The following AJAP1 variants were observed in gnomAD, a reference collection of about 807,000 sequenced individuals.
AJAP1 encodes adherens junctions associated protein 1, also known as adherens junction-associated protein 1.
Under a neutral mutation model 35.0 loss-of-function variants are expected in AJAP1, and 5 were observed. The ratio of observed to expected loss-of-function variants is 0.14; its 90% confidence interval spans 0.07 to 0.30. The LOEUF is 0.30. Among genes scored for constraint, AJAP1 ranks in the 10% least tolerant of loss-of-function variants. The probability of loss-of-function intolerance (pLI) is 1.00; values close to 1 mark genes in which losing one functional copy is unlikely to be tolerated. For missense variants in AJAP1, 586 were observed against 571.0 expected (o/e 1.03, Z -0.27); for synonymous variants, 284 against 249.3 (o/e 1.14, Z -1.31).
chr1:4,703,048 T>C (rs895409892), intron 1 of AJAP1, among the ~76,000 whole-genome samples: 1 of 152,124 alleles, frequency 6.6e-6, no homozygotes, highest in Non-Finnish European at 1.5e-5. Flanking sequence ...GCATGCGCGC[T>C]GGACGTGTCC....
At chr1:4,657,642 C>T (rs1638910214) in intron 1 of AJAP1, among the ~76,000 whole-genome samples, 1 of 151,212 alleles carries the variant, frequency 6.6e-6, no homozygotes, top group Admixed American at 6.6e-5. Context: ...AGACACTGAG[C>T]CTCCAGCTGG....
rs536145116 is a variant in AJAP1, at chr1:4,691,193, A to G, written c.30-20707A>G. On this transcript the variant is annotated intron_variant, in intron 1 of 5. Coordinates refer to ENST00000378191, the MANE Select transcript of AJAP1 (RefSeq NM_018836.4). Reference sequence around the variant, plus strand: ...AGAGTCCCCATCAGGCTCCCGGAACAGACTCCATTCCTGTTTGGGAAAGAG... The same window carrying G: ...AGAGTCCCCATCAGGCTCCCGGAACGGACTCCATTCCTGTTTGGGAAAGAG... Among the ~76,000 whole-genome samples, 3 of 152,336 alleles carry G rather than the reference A, an allele frequency of 2.0e-5. No homozygotes were observed. In the East Asian group the frequency reaches 5.8e-4, roughly 29 times the overall value.
chr1:4,671,831 C>A (rs942351715), intron 1 of AJAP1, among the ~76,000 whole-genome samples: 4 of 152,210 alleles, frequency 2.6e-5, no homozygotes, highest in African/African-American at 9.6e-5. Context: ...CAAGGTGCTT[C>A]ACGAGGAAGC....
chr1:4,705,216 C>A (rs1312902776), intron 1 of AJAP1, among the ~76,000 whole-genome samples: 1 of 151,926 alleles, frequency 6.6e-6, no homozygotes, highest in Admixed American at 6.6e-5. Flanking sequence ...CCCTTCCTTA[C>A]ACCTTATACA....
rs113919697 is a variant in AJAP1, at chr1:4,692,389, C to G, written c.30-19511C>G. 0.066 allele frequency among the ~76,000 whole-genome samples: 10,006 copies of G among 152,158 alleles called. 370 individuals carry two copies. Among genetic ancestry groups the G allele is most frequent in the Admixed American group, 0.09 (1,371 of 15,290 alleles). ...AGCCTGCAGGAGAGGCTGGGGGGCA[C>G]GTCTGAGGGTGCAGCAGAGGGATAT... On this transcript the variant is annotated intron_variant, in intron 1 of 5. Transcript: ENST00000378191. This position sits in a 1 kb window ranked among gnomAD's most constrained non-coding sequence, Gnocchi z 4.4.
intron 4 of AJAP1, among the ~76,000 whole-genome samples, chr1:4,773,193 T>G (rs138828263): frequency 2.0e-3 from 304 of 152,074 alleles, no homozygotes; most frequent in African/African-American, 6.8e-3. Flanking sequence ...AAAAAAACAG[T>G]CTCCAACAAC....
chr1:4,708,673 G>A lies in AJAP1; in HGVS notation c.30-3227G>A, dbSNP rs184071209. ...TGCAGAGATGCAGCCTCTCACCAAG[G>A]GGTCCCCAAGAGTCTCAGGACCAGG... On this transcript the variant is annotated intron_variant, in intron 1 of 5. Coordinates refer to ENST00000378191, the MANE Select transcript of AJAP1 (RefSeq NM_018836.4). Among the ~76,000 whole-genome samples the A allele has an allele frequency of 2.1e-3, 322 of 152,298 alleles. 1 individual carries two copies. The highest frequency in any genetic ancestry group is 7.0e-3 in the African/African-American group (292 of 41,570).
chr1:4,700,834 A>G (rs899435392), intron 1 of AJAP1, among the ~76,000 whole-genome samples: 1 of 152,082 alleles, frequency 6.6e-6, no homozygotes, highest in Non-Finnish European at 1.5e-5. Flanking sequence ...AACCAAGGGG[A>G]CCTGTGGGGC....
chr1:4,714,314 G>A (rs1218803820), intron 2 of AJAP1, among the ~76,000 whole-genome samples: 1 of 152,182 alleles, frequency 6.6e-6, no homozygotes, highest in Admixed American at 6.5e-5. Flanking sequence ...CCACGGACAT[G>A]CGGGGTCTGC....
intron 2 of AJAP1, among the ~76,000 whole-genome samples, chr1:4,714,347 G>A (rs188327434): frequency 4.0e-4 from 61 of 152,256 alleles, no homozygotes; most frequent in Admixed American, 1.7e-3. Context: ...ACTGTCAGGC[G>A]CCTGCTAGCA....
Position 4,756,035 on chromosome 1 carries a change from T to G in AJAP1, c.830-13818T>G, listed in dbSNP as rs571649076. On this transcript the variant is annotated intron_variant, in intron 2 of 5. Transcript: ENST00000378191. ...ACTTAGCAGGGTTCTTTGCTAAGCA[T>G]AGACTTATGCTTAGCATATGCATAA... is the stretch of plus-strand genomic sequence containing the variant. 3.9e-5 allele frequency among the ~76,000 whole-genome samples: 6 copies of G among 152,138 alleles called. No homozygotes were observed. The South Asian group carries it at 1.2e-3, about 32-fold the overall frequency.
At chr1:4,690,059 T>C (rs16839468) in intron 1 of AJAP1, among the ~76,000 whole-genome samples, 7,758 of 151,936 alleles carry the variant, frequency 0.051, 501 homozygotes, top group African/African-American at 0.15. Flanking sequence ...TGGCCAACGA[T>C]GGATGCATTT....
chr1:4,673,110 G>A (rs552461167), intron 1 of AJAP1, among the ~76,000 whole-genome samples: 1 of 152,288 alleles, frequency 6.6e-6, no homozygotes, highest in African/African-American at 2.4e-5. Flanking sequence ...AAGATCTCCA[G>A]AAGGAGACAC....
chr1:4,679,309 G>A (rs975054774), intron 1 of AJAP1, among the ~76,000 whole-genome samples: 10 of 152,122 alleles, frequency 6.6e-5, no homozygotes, highest in African/African-American at 2.4e-4. Flanking sequence ...GGAGGGCAGT[G>A]GGTTTTGTCC....
At chr1:4,657,938 TGA>T (rs1431466833) in intron 1 of AJAP1, among the ~76,000 whole-genome samples, 1 of 151,994 alleles carries the variant, frequency 6.6e-6, no homozygotes, top group Admixed American at 6.6e-5. Flanking sequence ...TTCCATCAGC[TGA>T]GAGAGAGGGA....
At chr1:4,694,887 A>T (rs1163236736) in intron 1 of AJAP1, among the ~76,000 whole-genome samples, 1 of 152,142 alleles carries the variant, frequency 6.6e-6, no homozygotes, top group East Asian at 1.9e-4. Context: ...TAGCCTCAGT[A>T]TTGCTTTGGC....
At chr1:4,696,757 T>A (rs1351123050) in intron 1 of AJAP1, among the ~76,000 whole-genome samples, 2 of 152,228 alleles carry the variant, frequency 1.3e-5, no homozygotes, top group African/African-American at 4.8e-5. Flanking sequence ...TGTGTGCATA[T>A]GACTGTGTGT....
chr1:4,668,735 C>T (rs977869819), intron 1 of AJAP1, among the ~76,000 whole-genome samples: 3 of 152,138 alleles, frequency 2.0e-5, no homozygotes, highest in African/African-American at 7.2e-5. Context: ...ATCCTGGAGC[C>T]GGGGTCCCCT....
chr1:4,772,673 A>G (rs1432959222), intron 4 of AJAP1, 148 bp downstream of exon 4: 1 of 1,207,938 alleles, frequency 8.3e-7, no homozygotes, highest in African/African-American at 1.5e-5. Context: ...CGGACAGCTA[A>G]TTTGGCAAAA....
Sources: allele counts gnomAD v4.1 joint callset (sites outside exome capture counted in the v4.1 genomes callset), GRCh38; gene constraint gnomAD v4.1.1; non-coding constraint Gnocchi (gnomAD v3.1); transcripts MANE v1.5; gene names NCBI Gene and HGNC (gene_info 2026-07-23, HGNC 2026-07-21).